Variants in HOMER2 observed in about 807,000 individuals in gnomAD.
HOMER2 encodes homer protein homolog 2.
In HOMER2, 27 loss-of-function variants were observed where a neutral mutation model predicts 47.0. The observed-to-expected ratio is 0.57, with a 90% CI of 0.42 to 0.79. The LOEUF is 0.79. Among genes scored for constraint, HOMER2 ranks in the 30% least tolerant of loss-of-function variants. The pLI is 0.00. For missense variants in HOMER2, 443 were observed against 435.0 expected (o/e 1.02, Z -0.16); for synonymous variants, 161 against 163.8 (o/e 0.98, Z 0.13).
In HOMER2 at chr15:82,929,521, T is replaced by C. The variant is rs866404585; in HGVS notation, c.5+23010A>G. ...AAATACAAAAATTAGCCAGGTGTAG[T>C]GGTACACACCTGTAATCCCAGCTAC... is the stretch of plus-strand genomic sequence containing the variant. On this transcript the variant is annotated intron_variant, in intron 1 of 8. Coordinates refer to ENST00000450735, the MANE Select transcript of HOMER2 (RefSeq NM_004839.4). 9.9e-5 allele frequency among the ~76,000 whole-genome samples: 15 copies of C among 151,622 alleles called. 1 individual carries two copies. The Middle Eastern group carries it at 0.017, about 172-fold the overall frequency.
intron 1 of HOMER2, among the ~76,000 whole-genome samples, chr15:82,911,355 A>G (rs1421562822): frequency 2.0e-5 from 3 of 152,150 alleles, no homozygotes. Flanking sequence ...CTACCCTTTC[A>G]GGTTTCCAGG....
chr15:82,849,206 C>T lies in HOMER2; in HGVS notation c.*509G>A, dbSNP rs1365158675. 2 of 152,490 alleles carry T rather than the reference C, an allele frequency of 1.3e-5. No individual in the cohort carries two copies. Among genetic ancestry groups the T allele is most frequent in the Non-Finnish European group, 2.9e-5 (2 of 68,330 alleles). 9.4% of individuals were successfully genotyped at this position (152,490 alleles called of 1,614,324 possible). A position where few individuals can be genotyped will look rare whatever the true frequency, so the allele number is the denominator to read the frequency against. On this transcript the variant is annotated 3_prime_UTR_variant, in exon 9 of 9. Transcript: ENST00000450735. ...AATGCACCCACCAGAAGCTTGTTTT[C>T]CATCTCTCAGAAAGTTTCCACTAAA...
intron 4 of HOMER2, among the ~76,000 whole-genome samples, chr15:82,860,978 A>AGAGAGAGAGAGAGAGG (rs1269756073): frequency 1.4e-5 from 2 of 147,810 alleles, no homozygotes; most frequent in Admixed American, 6.7e-5. Flanking sequence ...AGAGAGAGAG[A>AGAGAGAGAGAGAGAGG]GAGAAAGCGA....
intron 1 of HOMER2, among the ~76,000 whole-genome samples, chr15:82,938,591 C>T (rs1435439602): frequency 6.6e-6 from 1 of 152,188 alleles, no homozygotes; most frequent in Non-Finnish European, 1.5e-5. Flanking sequence ...CTCCCAACAT[C>T]CTCAACTTAT....
intron 1 of HOMER2, among the ~76,000 whole-genome samples, chr15:82,927,722 G>A (rs2053889890): frequency 6.6e-6 from 1 of 152,116 alleles, no homozygotes; most frequent in Admixed American, 6.5e-5. Flanking sequence ...TGTAATCCCA[G>A]CACTTTGGGA....
chr15:82,893,611 G>T (rs560505467), intron 1 of HOMER2, among the ~76,000 whole-genome samples: 1 of 148,144 alleles, frequency 6.8e-6, no homozygotes, highest in African/African-American at 2.5e-5. Flanking sequence ...GATTATAGGC[G>T]TAAGCCACTG....
intron 8 of HOMER2, among the ~76,000 whole-genome samples, chr15:82,850,928 T>C (rs2051371060): frequency 6.6e-6 from 1 of 152,222 alleles, no homozygotes; most frequent in African/African-American, 2.4e-5. Flanking sequence ...ACAGGGGCCT[T>C]CATAGAACTT....
chr15:82,960,192 T>C (rs1383554232), intron 1 of HOMER2, among the ~76,000 whole-genome samples: 6 of 152,126 alleles, frequency 3.9e-5, no homozygotes, highest in Non-Finnish European at 8.8e-5. Context: ...TAGAGGGTGA[T>C]ACCTCTCAAG....
At chr15:82,871,544 C>T (rs2052175375) in intron 3 of HOMER2, among the ~76,000 whole-genome samples, 1 of 152,200 alleles carries the variant, frequency 6.6e-6, no homozygotes, top group Admixed American at 6.5e-5. Context: ...TGTGGTTAAT[C>T]ATTTCCTTCA....
chr15:82,862,556 A>G (rs2051828647), intron 4 of HOMER2, among the ~76,000 whole-genome samples: 1 of 152,216 alleles, frequency 6.6e-6, no homozygotes, highest in Non-Finnish European at 1.5e-5. Context: ...TGAAAAAGAT[A>G]GTATATTAGA....
chr15:82,966,376 A>G (rs757123765), intron 1 of HOMER2, among the ~76,000 whole-genome samples: 7 of 152,226 alleles, frequency 4.6e-5, no homozygotes, highest in South Asian at 2.1e-4. Context: ...GTCAGTAAGT[A>G]TATTATAAAA....
intron 1 of HOMER2, among the ~76,000 whole-genome samples, chr15:82,970,737 T>G (rs1405253086): frequency 6.6e-6 from 1 of 152,042 alleles, no homozygotes; most frequent in Non-Finnish European, 1.5e-5. Context: ...TCAAATGGAG[T>G]CAGCTGTGTA....
intron 1 of HOMER2, among the ~76,000 whole-genome samples, chr15:82,923,633 A>G (rs567720933): frequency 2.8e-4 from 43 of 152,260 alleles, no homozygotes; most frequent in Admixed American, 7.8e-4. Flanking sequence ...GTTGGACAGT[A>G]CAGGGAGCTG....
chr15:82,882,335 C>T (rs998306339), intron 2 of HOMER2, among the ~76,000 whole-genome samples: 1 of 152,170 alleles, frequency 6.6e-6, no homozygotes, highest in African/African-American at 2.4e-5. Flanking sequence ...CATTCCCCCA[C>T]CCCCTTCTAT....
At position 82,901,790 on chromosome 15, in the gene HOMER2, T is replaced by C. The variant is rs549508396; in HGVS notation, c.6-8949A>G. On this transcript the variant is annotated intron_variant, in intron 1 of 8. Transcript: ENST00000450735. Reference sequence around the variant, plus strand: ...TCTTCCAAATACATTCCAAAAAACATACATGTAGGAAAAACATTAAAAGCA... The same window carrying C: ...TCTTCCAAATACATTCCAAAAAACACACATGTAGGAAAAACATTAAAAGCA... Among the ~76,000 whole-genome samples, 64 of 152,328 alleles carry C rather than the reference T, an allele frequency of 4.2e-4. 1 individual carries two copies. The highest frequency in any genetic ancestry group is 9.1e-4 in the Admixed American group (14 of 15,306).
Position 82,849,922 on chromosome 15 carries a change from G to A in HOMER2, c.844-19C>T, listed in dbSNP as rs745324226. The A allele has an allele frequency of 6.2e-7, 1 of 1,610,658 alleles. No homozygotes were observed. On this transcript the variant is annotated intron_variant, in intron 8 of 8. Coordinates refer to ENST00000450735, the MANE Select transcript of HOMER2 (RefSeq NM_004839.4). Reference sequence around the variant, plus strand: ...CTGCCGCCTGGCCAAGCAAAAGGGAGAAGGGTCTAGAAAACTGAGTGACGA... The same window carrying A: ...CTGCCGCCTGGCCAAGCAAAAGGGAAAAGGGTCTAGAAAACTGAGTGACGA...
intron 1 of HOMER2, among the ~76,000 whole-genome samples, chr15:82,907,430 GGAAAGAAA>G (rs202205542): frequency 7.5e-6 from 1 of 133,506 alleles, no homozygotes; most frequent in Non-Finnish European, 1.6e-5. Flanking sequence ...AGAAAGAGAA[GGAAAGAAA>G]GAAAGAAAGA....
chr15:82,850,226 A>C (rs1029231394), intron 8 of HOMER2, among the ~76,000 whole-genome samples: 2 of 152,260 alleles, frequency 1.3e-5, no homozygotes, highest in Admixed American at 6.5e-5. Context: ...CCCAGCAGGG[A>C]AAGTCTGAAA....
intron 1 of HOMER2, among the ~76,000 whole-genome samples, chr15:82,908,009 A>G (rs1436766250): frequency 6.6e-6 from 1 of 152,252 alleles, no homozygotes; most frequent in African/African-American, 2.4e-5. Context: ...AAAATGCCAG[A>G]CATTCTATGA....
Sources: gnomAD v4.1 joint callset for allele counts (sites outside exome capture counted in the v4.1 genomes callset) on GRCh38, gnomAD v4.1.1 for gene constraint, MANE v1.5 for transcripts, NCBI Gene and HGNC (gene_info 2026-07-23, HGNC 2026-07-21) for gene names.